CATSPERT: variants seen among roughly 807,000 people sequenced by gnomAD.
CATSPERT encodes cation channel sperm-associated targeting subunit tau.
At chr2:201,526,816 T>A in the CATSPERT span, among the ~76,000 whole-genome samples, 3 of 152,156 alleles carry the variant, frequency 2.0e-5, no homozygotes, top group Admixed American at 2.0e-4. Flanking sequence ...TCATACTGAA[T>A]GGGGAAAAGC....
the CATSPERT span, among the ~76,000 whole-genome samples, chr2:201,532,865 G>A: frequency 1.3e-5 from 2 of 152,166 alleles, no homozygotes; most frequent in African/African-American, 4.8e-5. Flanking sequence ...TCAGTTGTGG[G>A]TTCATTGGAA....
the CATSPERT span, among the ~76,000 whole-genome samples, chr2:201,591,500 AG>A: frequency 6.6e-6 from 1 of 152,126 alleles, no homozygotes; most frequent in Non-Finnish European, 1.5e-5. Context: ...ACTTTAAAGT[AG>A]CTTTTTCCAA....
chr2:201,607,668 T>C, the CATSPERT span, among the ~76,000 whole-genome samples: 1 of 152,044 alleles, frequency 6.6e-6, no homozygotes, highest in Non-Finnish European at 1.5e-5. Flanking sequence ...AAAATTAATA[T>C]AAAGAAAGCA....
the CATSPERT span, chr2:201,493,041 T>C: frequency 6.5e-7 from 1 of 1,536,574 alleles, no homozygotes; most frequent in East Asian, 2.4e-5. Context: ...TAAAAGAAGG[T>C]TGAATTAGTC....
chr2:201,604,806 G>A, the CATSPERT span: 4 of 676,306 alleles, frequency 5.9e-6, no homozygotes, highest in South Asian at 2.5e-5. Flanking sequence ...AGGTCTCCTC[G>A]GTATTGGGGT....
chr2:201,590,329 G>A, the CATSPERT span, among the ~76,000 whole-genome samples: 4 of 151,146 alleles, frequency 2.6e-5, no homozygotes, highest in Non-Finnish European at 5.9e-5. Flanking sequence ...CATTTTTTAT[G>A]GCTGCATAGT....
the CATSPERT span, among the ~76,000 whole-genome samples, chr2:201,540,899 T>C: frequency 6.6e-6 from 1 of 152,180 alleles, no homozygotes; most frequent in Non-Finnish European, 1.5e-5. Flanking sequence ...CCATTCTAGA[T>C]GCCATTAAGG....
the CATSPERT span, among the ~76,000 whole-genome samples, chr2:201,614,227 C>T: frequency 3.3e-5 from 5 of 152,158 alleles, no homozygotes; most frequent in South Asian, 2.1e-4. Context: ...AGATACTCCT[C>T]GAGAAGAGGA....
the CATSPERT span, among the ~76,000 whole-genome samples, chr2:201,598,823 T>C: frequency 6.6e-6 from 1 of 152,060 alleles, no homozygotes; most frequent in Non-Finnish European, 1.5e-5. Flanking sequence ...TTAAGTGATC[T>C]GCTCTCCTCG....
the CATSPERT span, among the ~76,000 whole-genome samples, chr2:201,609,796 T>G: frequency 2.0e-5 from 3 of 151,864 alleles, no homozygotes; most frequent in African/African-American, 7.3e-5. Context: ...AAAGCAAGAA[T>G]AAACCAAACC....
the CATSPERT span, among the ~76,000 whole-genome samples, chr2:201,616,635 T>C: frequency 6.6e-6 from 1 of 152,206 alleles, no homozygotes; most frequent in Non-Finnish European, 1.5e-5. Flanking sequence ...GCATTCCCTT[T>C]GAAAACTGGC....
chr2:201,581,754 A>T, the CATSPERT span, among the ~76,000 whole-genome samples: 2 of 150,632 alleles, frequency 1.3e-5, no homozygotes, highest in East Asian at 3.9e-4. Flanking sequence ...GATTACAGGC[A>T]TGGGCCACCA....
At chr2:201,614,098 G>A in the CATSPERT span, among the ~76,000 whole-genome samples, 1 of 152,336 alleles carries the variant, frequency 6.6e-6, no homozygotes, top group South Asian at 2.1e-4. Context: ...GTACCTGAAA[G>A]TGACAGAGAG....
chr2:201,553,980 T>C, the CATSPERT span: 1 of 152,202 alleles, frequency 6.6e-6, no homozygotes, highest in African/African-American at 2.4e-5. Context: ...CATTCTAGAC[T>C]TAGGCCTAAG....
chr2:201,518,374 G>A, the CATSPERT span, among the ~76,000 whole-genome samples: 75 of 152,302 alleles, frequency 4.9e-4, no homozygotes, highest in East Asian at 0.011. Context: ...GTGGAAACAC[G>A]GTAACTACCA....
At chr2:201,496,757 G>A in the CATSPERT span, among the ~76,000 whole-genome samples, 1 of 152,210 alleles carries the variant, frequency 6.6e-6, no homozygotes, top group Admixed American at 6.5e-5. Context: ...CAGAACCATT[G>A]AATTTTTAGA....
the CATSPERT span, among the ~76,000 whole-genome samples, chr2:201,512,188 G>T: frequency 6.6e-6 from 1 of 152,062 alleles, no homozygotes; most frequent in Middle Eastern, 3.4e-3. Flanking sequence ...TTTCTTTTTC[G>T]TTAAAATATT....
chr2:201,614,439 A>T, the CATSPERT span, among the ~76,000 whole-genome samples: 2 of 152,216 alleles, frequency 1.3e-5, no homozygotes, highest in African/African-American at 4.8e-5. Flanking sequence ...TCAACCCAGA[A>T]TTTCATATCC....
chr2:201,572,124 G>A, the CATSPERT span: 3 of 749,672 alleles, frequency 4.0e-6, no homozygotes, highest in Non-Finnish European at 6.5e-6. Flanking sequence ...AATACCCCAG[G>A]ACTATGAAAT....
Sources: allele counts gnomAD v4.1 joint callset (sites outside exome capture counted in the v4.1 genomes callset), GRCh38; gene constraint gnomAD v4.1.1; transcripts MANE v1.5; gene names NCBI Gene and HGNC (gene_info 2026-07-23, HGNC 2026-07-21).